Variants in TBC1D19 observed in about 807,000 individuals in gnomAD.
TBC1D19 encodes TBC1 domain family member 19.
TBC1D19 carries 60 observed loss-of-function variants against 89.0 expected under a neutral mutation model. The ratio of observed to expected loss-of-function variants is 0.67; its 90% CI spans 0.55 to 0.84. The LOEUF is 0.84. Ranked by LOEUF, TBC1D19 falls within the 40% of genes least tolerant of loss-of-function variation. The pLI, the probability that TBC1D19 is intolerant of heterozygous loss-of-function variation, is 0.00. For missense variants in TBC1D19, 500 were observed against 610.8 expected, an observed-to-expected ratio of 0.82 and a Z score of 1.91; for synonymous variants, 189 against 199.7, an observed-to-expected ratio of 0.95 and a Z score of 0.45.
chr4:26,735,197 T>C (rs1245459345), intron 15 of TBC1D19, among the ~76,000 whole-genome samples: 1 of 151,086 alleles, frequency 6.6e-6, no homozygotes, highest in Non-Finnish European at 1.5e-5. Context: ...TATATACACA[T>C]ATATATATTC....
intron 15 of TBC1D19, among the ~76,000 whole-genome samples, chr4:26,724,330 C>A (rs1479973412): frequency 6.6e-6 from 1 of 151,770 alleles, no homozygotes; most frequent in Non-Finnish European, 1.5e-5. Flanking sequence ...TTTTTTATTT[C>A]TTCACATGCC....
the TBC1D19 span, among the ~76,000 whole-genome samples, chr4:26,798,769 T>C: frequency 6.6e-6 from 1 of 151,470 alleles, no homozygotes; most frequent in Non-Finnish European, 1.5e-5. Context: ...GTGAACTAAC[T>C]CAGAAAAAGA....
the TBC1D19 span, among the ~76,000 whole-genome samples, chr4:26,852,544 G>A: frequency 6.6e-6 from 1 of 152,082 alleles, no homozygotes; most frequent in Non-Finnish European, 1.5e-5. Flanking sequence ...GTGACAGGGC[G>A]AGACCCTGTC....
At chr4:26,620,567 C>T (rs770266339) in intron 3 of TBC1D19, 46 bp from the exon 4 acceptor site, 1 of 1,530,748 alleles carries the variant, frequency 6.5e-7, no homozygotes, top group Non-Finnish European at 9.0e-7. Flanking sequence ...TAATATCTAA[C>T]CAAGAGAATA....
At chr4:26,742,376 T>G in intron 17 of TBC1D19, 132 bp from the exon 18 acceptor site, 1 of 662,446 alleles carries the variant, frequency 1.5e-6, no homozygotes, top group Non-Finnish European at 2.4e-6. Flanking sequence ...CATTTCATGT[T>G]TTTGACTCTT....
chr4:26,710,609 C>G (rs1045670386), intron 13 of TBC1D19, among the ~76,000 whole-genome samples: 1 of 152,074 alleles, frequency 6.6e-6, no homozygotes, highest in Non-Finnish European at 1.5e-5. Context: ...ATCACCACAC[C>G]GACTTCCACA....
chr4:26,771,086 T>A, the TBC1D19 span, among the ~76,000 whole-genome samples: 5 of 151,906 alleles, frequency 3.3e-5, no homozygotes, highest in Admixed American at 2.0e-4. Context: ...AACAGACATA[T>A]GAAAAGACAC....
chr4:26,814,105 C>T, the TBC1D19 span, among the ~76,000 whole-genome samples: 1 of 152,158 alleles, frequency 6.6e-6, no homozygotes, highest in Non-Finnish European at 1.5e-5. Context: ...TAAGCAGCCC[C>T]TCCATTTGAG....
intron 1 of TBC1D19, among the ~76,000 whole-genome samples, chr4:26,599,856 G>C (rs964295060): frequency 4.0e-5 from 6 of 150,360 alleles, no homozygotes; most frequent in Non-Finnish European, 8.8e-5. Flanking sequence ...GCTGAGGCAG[G>C]AGAATTGCTT....
intron 18 of TBC1D19, among the ~76,000 whole-genome samples, chr4:26,745,798 C>T (rs1003701676): frequency 6.6e-6 from 1 of 151,992 alleles, no homozygotes; most frequent in African/African-American, 2.4e-5. Flanking sequence ...AGGTGTGAGC[C>T]ACCGCACCCA....
chr4:26,718,004 A>G lies in TBC1D19; in HGVS notation c.1026A>G (p.Lys342=), dbSNP rs80050773. ...HFAFNSASPP[K]SYIRGKLGLE... ...CATTCAACAGTGCCTCGCCACCAAA[A>G]TCATACATAAGAGGTAAATTTTTAA... The change falls in exon 14 of 21, where the codon AAA becomes AAG. Residue 342 remains lysine, a synonymous_variant. Transcript: ENST00000264866. 2,322 of 1,610,896 alleles carry G rather than the reference A, an allele frequency of 1.4e-3. 37 individuals carry two copies. In the East Asian group the frequency reaches 0.028, roughly 19 times the overall value.
At chr4:26,841,433 AC>A in the TBC1D19 span, among the ~76,000 whole-genome samples, 1 of 150,916 alleles carries the variant, frequency 6.6e-6, no homozygotes, top group East Asian at 2.0e-4. Context: ...TCAGCCTGTT[AC>A]CCCCTGTGAT....
intron 8 of TBC1D19, among the ~76,000 whole-genome samples, chr4:26,663,630 G>A (rs1711531955): frequency 1.3e-5 from 2 of 152,216 alleles, no homozygotes; most frequent in African/African-American, 4.8e-5. Context: ...AGAACCAAAA[G>A]CTTGTAGCTA....
At chr4:26,744,820 A>G (rs933373684) in intron 18 of TBC1D19, among the ~76,000 whole-genome samples, 3 of 152,118 alleles carry the variant, frequency 2.0e-5, no homozygotes, top group African/African-American at 7.2e-5. Flanking sequence ...GTGCACCTGA[A>G]AAAAATTTGT....
chr4:26,754,782 A>C, intron 20 of TBC1D19, 91 bp from the exon 21 acceptor site: 1 of 942,962 alleles, frequency 1.1e-6, no homozygotes. Context: ...CCAAAGAAGG[A>C]GCTTAGTGTC....
At chr4:26,733,496 A>G (rs1030039087) in intron 15 of TBC1D19, among the ~76,000 whole-genome samples, 3 of 152,136 alleles carry the variant, frequency 2.0e-5, no homozygotes, top group African/African-American at 7.2e-5. Flanking sequence ...CTTTAGTGAT[A>G]GAACCGGATG....
At chr4:26,598,889 AAT>A (rs1241628025) in intron 1 of TBC1D19, among the ~76,000 whole-genome samples, 16 of 152,180 alleles carry the variant, frequency 1.1e-4, no homozygotes, top group African/African-American at 3.6e-4. Flanking sequence ...GATAGAAAGA[AAT>A]AGAATAGAAA....
chr4:26,682,288 T>C (rs1560468896), intron 11 of TBC1D19, among the ~76,000 whole-genome samples: 2 of 152,104 alleles, frequency 1.3e-5, no homozygotes, highest in Non-Finnish European at 2.9e-5. Context: ...ATAATTTTGC[T>C]TTAGTTAAAA....
At chr4:26,649,887 A>G (rs1047829775) in intron 7 of TBC1D19, among the ~76,000 whole-genome samples, 3 of 151,828 alleles carry the variant, frequency 2.0e-5, no homozygotes, top group African/African-American at 2.4e-5. Context: ...AACAGGCCCC[A>G]GTGTGTGATA....
Sources: gnomAD v4.1 joint callset for allele counts (sites outside exome capture counted in the v4.1 genomes callset) on GRCh38, gnomAD v4.1.1 for gene constraint, MANE v1.5 for transcripts, NCBI Gene and HGNC (gene_info 2026-07-23, HGNC 2026-07-21) for gene names.